Variants in PTPRM observed in about 807,000 individuals in gnomAD.
PTPRM encodes the protein protein tyrosine phosphatase receptor type M, also known as receptor-type tyrosine-protein phosphatase mu.
In PTPRM, 47 loss-of-function variants were observed where a neutral mutation model predicts 186.7. That is an observed-to-expected ratio of 0.25 (90% CI 0.20 to 0.32). The LOEUF is 0.32. PTPRM is among the 10% of genes least tolerant of loss of function. The probability of loss-of-function intolerance (pLI) is 1.00; values close to 1 mark genes in which losing one functional copy is unlikely to be tolerated. For missense variants in PTPRM, 1,494 were observed against 1,865.0 expected, an observed-to-expected ratio of 0.80 and a Z score of 3.66; for synonymous variants, 668 against 674.9, an observed-to-expected ratio of 0.99 and a Z score of 0.16.
intron 13 of PTPRM, among the ~76,000 whole-genome samples, chr18:8,132,682 G>A (rs979160503): frequency 6.6e-6 from 1 of 152,052 alleles, no homozygotes; most frequent in East Asian, 1.9e-4. Context: ...ATCATTGCAA[G>A]TATTGAGTTT....
chr18:8,186,729 G>A (rs73391910), intron 14 of PTPRM, among the ~76,000 whole-genome samples: 3,684 of 152,300 alleles, frequency 0.024, 147 homozygotes, highest in African/African-American at 0.084. Context: ...AGCGCAAGGT[G>A]ACATGGGGGA....
intron 14 of PTPRM, among the ~76,000 whole-genome samples, chr18:8,174,428 G>A (rs1481537290): frequency 1.3e-5 from 2 of 152,110 alleles, no homozygotes; most frequent in African/African-American, 4.8e-5. Flanking sequence ...TTTTTGCAAA[G>A]GCAGTTTAAA....
chr18:7,731,720 G>A (rs2040662955), intron 1 of PTPRM, among the ~76,000 whole-genome samples: 1 of 152,116 alleles, frequency 6.6e-6, no homozygotes, highest in Non-Finnish European at 1.5e-5. Context: ...TTAAGGGAGA[G>A]GGGAAAGATA....
intron 19 of PTPRM, among the ~76,000 whole-genome samples, chr18:8,263,474 A>G (rs1307649468): frequency 6.6e-6 from 1 of 152,178 alleles, no homozygotes; most frequent in Non-Finnish European, 1.5e-5. Flanking sequence ...CAGGAATGAA[A>G]TATATTTGGT....
chr18:7,677,955 A>G (rs748104336), intron 1 of PTPRM, among the ~76,000 whole-genome samples: 1 of 152,068 alleles, frequency 6.6e-6, no homozygotes, highest in African/African-American at 2.4e-5. Context: ...GTCCACAGAG[A>G]CAGGATCTCT....
intron 1 of PTPRM, among the ~76,000 whole-genome samples, chr18:7,666,294 G>C (rs1166811192): frequency 2.6e-5 from 4 of 152,062 alleles, no homozygotes; most frequent in Middle Eastern, 3.4e-3. Flanking sequence ...CCAGAACAAA[G>C]ACCTGGATTC....
intron 1 of PTPRM, among the ~76,000 whole-genome samples, chr18:7,571,249 G>A (rs1359802732): frequency 6.6e-6 from 1 of 152,074 alleles, no homozygotes; most frequent in Non-Finnish European, 1.5e-5. Flanking sequence ...CTGAAAAATT[G>A]TTTTTTATCA....
intron 4 of PTPRM, among the ~76,000 whole-genome samples, chr18:7,920,534 GT>G (rs1336515547): frequency 6.6e-6 from 1 of 152,076 alleles, no homozygotes; most frequent in Non-Finnish European, 1.5e-5. Flanking sequence ...CAGTTTGCGT[GT>G]TTTTATACGG....
At chr18:7,621,985 A>T (rs767915288) in intron 1 of PTPRM, among the ~76,000 whole-genome samples, 10 of 152,160 alleles carry the variant, frequency 6.6e-5, no homozygotes, top group Non-Finnish European at 1.2e-4. Context: ...AACTATCAAG[A>T]ACTGTGATTG....
At chr18:8,222,886 G>A (rs1194845540) in intron 14 of PTPRM, among the ~76,000 whole-genome samples, 2 of 151,254 alleles carry the variant, frequency 1.3e-5, no homozygotes, top group Admixed American at 6.7e-5. Flanking sequence ...CCAGGAGTTC[G>A]AGACCAGCTT....
intron 3 of PTPRM, among the ~76,000 whole-genome samples, chr18:7,901,460 G>A (rs73379936): frequency 0.055 from 8,389 of 152,032 alleles, 384 homozygotes; most frequent in East Asian, 0.17. Context: ...TCTGCCTCCC[G>A]AGTTCAAGTG....
In PTPRM at chr18:7,622,863, G is replaced by A. The variant is rs73387553; in HGVS notation, c.73+54972G>A. On this transcript the variant is annotated intron_variant, in intron 1 of 32. Coordinates refer to ENST00000580170, the MANE Select transcript of PTPRM (RefSeq NM_001105244.2). ...CCAGCTTTGTGTATGTGTCTGTTGA[G>A]GAGAGAGAAAGAGAATAAAAATTGG... Among the ~76,000 whole-genome samples, 468 of 152,272 alleles carry A rather than the reference G, an allele frequency of 3.1e-3. 4 individuals carry two copies. Among genetic ancestry groups the A allele is most frequent in the African/African-American group, 0.011 (447 of 41,544 alleles).
intron 2 of PTPRM, among the ~76,000 whole-genome samples, chr18:7,875,866 C>T (rs2048215115): frequency 6.6e-6 from 1 of 152,020 alleles, no homozygotes; most frequent in Non-Finnish European, 1.5e-5. Flanking sequence ...TGATAGAGTG[C>T]ACTTACACAA....
chr18:7,916,852 T>G (rs1368148478), intron 4 of PTPRM, among the ~76,000 whole-genome samples: 2 of 152,180 alleles, frequency 1.3e-5, no homozygotes, highest in African/African-American at 2.4e-5. Flanking sequence ...TTATTGTTAA[T>G]TATAGTCACC....
chr18:8,294,789 CT>C lies in PTPRM; in HGVS notation c.2755-1577del, dbSNP rs1243115534. On this transcript the variant is annotated intron_variant, in intron 19 of 32. Transcript: ENST00000580170. Reference sequence around the variant, plus strand: ...GATGAGCAGATTAAACCTCTTAACTCTTAGGTTTGTAGTGTTATTTTTTTCA... The same window carrying C: ...GATGAGCAGATTAAACCTCTTAACTCTAGGTTTGTAGTGTTATTTTTTTCA... 3.3e-5 allele frequency among the ~76,000 whole-genome samples: 5 copies of C among 152,128 alleles called. No homozygotes were observed. The South Asian group carries it at 8.3e-4, about 25-fold the overall frequency.
intron 30 of PTPRM, among the ~76,000 whole-genome samples, chr18:8,386,218 G>A (rs1209882193): frequency 1.3e-5 from 2 of 152,062 alleles, no homozygotes; most frequent in Admixed American, 1.3e-4. Flanking sequence ...CAAGAGAGAG[G>A]GCTGAACCAG....
chr18:7,811,536 T>G (rs1421390179), intron 2 of PTPRM, among the ~76,000 whole-genome samples: 1 of 152,170 alleles, frequency 6.6e-6, no homozygotes, highest in Non-Finnish European at 1.5e-5. Flanking sequence ...TTTTTTATTT[T>G]TTTATTTTTA....
intron 29 of PTPRM, among the ~76,000 whole-genome samples, chr18:8,383,888 T>C (rs1317108897): frequency 6.6e-6 from 1 of 152,188 alleles, no homozygotes; most frequent in Non-Finnish European, 1.5e-5. Flanking sequence ...GTACCTTACA[T>C]CCTGGGGTGG....
At chr18:8,178,602 G>A (rs992274338) in intron 14 of PTPRM, among the ~76,000 whole-genome samples, 2 of 151,980 alleles carry the variant, frequency 1.3e-5, no homozygotes, top group African/African-American at 4.8e-5. Context: ...TGGCCAACAT[G>A]GTGAAACCTC....
Sources: gnomAD v4.1 joint callset for allele counts (sites outside exome capture counted in the v4.1 genomes callset) on GRCh38, gnomAD v4.1.1 for gene constraint, MANE v1.5 for transcripts, NCBI Gene and HGNC (gene_info 2026-07-23, HGNC 2026-07-21) for gene names.